Variants in AEBP2 observed in about 807,000 individuals in gnomAD.
AEBP2 encodes zinc finger protein AEBP2.
A neutral mutation model predicts 50.8 loss-of-function variants in AEBP2; 10 were observed. The observed-to-expected ratio is 0.20, with a 90% confidence interval of 0.12 to 0.33. The LOEUF is 0.33. AEBP2 is among the 10% of genes least tolerant of loss of function. The pLI, the probability that AEBP2 is intolerant of heterozygous loss-of-function variation, is 1.00. For synonymous variants in AEBP2, 296 were observed against 261.3 expected (o/e 1.13, Z -1.28); for missense variants, 570 against 688.0 (o/e 0.83, Z 1.92).
intron 3 of AEBP2, among the ~76,000 whole-genome samples, chr12:19,482,862 A>G (rs1948750647): frequency 2.0e-5 from 3 of 152,170 alleles, no homozygotes; most frequent in Admixed American, 6.5e-5. Flanking sequence ...TCACCAGGGA[A>G]GTGGGGGGTT....
Position 19,473,246 on chromosome 12 carries a change from AG to A in AEBP2, c.880del. 7.0e-7 allele frequency: 1 copy of A among 1,421,194 alleles called. No individual in the cohort carries two copies. The highest frequency in any genetic ancestry group is 2.7e-5 in the East Asian group (1 of 37,664). The allele number at this position is 1,421,194 out of a possible 1,614,324, so 88.0% of individuals were successfully genotyped here. On this transcript the variant is annotated splice_acceptor_variant, in intron 2 of 7. Transcript: ENST00000266508. LOFTEE classifies it high-confidence loss of function. The stretch of plus-strand genomic sequence containing the variant: ...TTAATATGGTTCTGTTTTTCTTAAC[AG>A]GTATTTGTTTGCTTATGGAAAGGTT...
intron 2 of AEBP2, among the ~76,000 whole-genome samples, chr12:19,465,701 A>G (rs983207238): frequency 6.6e-6 from 1 of 151,946 alleles, no homozygotes; most frequent in Non-Finnish European, 1.5e-5. Flanking sequence ...TAAAATATGA[A>G]TGAGAGTTTG....
intron 1 of AEBP2, among the ~76,000 whole-genome samples, chr12:19,427,205 C>G (rs1031870336): frequency 6.6e-6 from 1 of 151,822 alleles, no homozygotes; most frequent in Non-Finnish European, 1.5e-5. Flanking sequence ...GGTGAAACCC[C>G]ATCTCTACTA....
At position 19,444,958 on chromosome 12, in the gene AEBP2, G is replaced by T. The variant is rs1372103982; in HGVS notation, c.671+4588G>T. 2.0e-5 allele frequency among the ~76,000 whole-genome samples: 3 copies of T among 152,118 alleles called. No individual in the cohort carries two copies. In the East Asian group the frequency reaches 5.8e-4, roughly 29 times the overall value. On this transcript the variant is annotated intron_variant, in intron 1 of 7. Coordinates refer to ENST00000266508, the MANE Select transcript of AEBP2 (RefSeq NM_153207.5). Reference sequence around the variant, plus strand: ...CACGCAGGCTGGAGTGCAGTGGCGCGATCTCAGCTCACTGCAGCCTCTGCC... The same window carrying T: ...CACGCAGGCTGGAGTGCAGTGGCGCTATCTCAGCTCACTGCAGCCTCTGCC...
upstream of AEBP2, among the ~76,000 whole-genome samples, chr12:19,435,369 C>T (rs535940247): frequency 2.0e-5 from 3 of 152,118 alleles, no homozygotes; most frequent in East Asian, 5.8e-4. Context: ...CAACCTCCAC[C>T]TCCCGGGTTC....
chr12:19,486,554 C>T (rs1363574225), intron 3 of AEBP2, among the ~76,000 whole-genome samples: 1 of 152,012 alleles, frequency 6.6e-6, no homozygotes, highest in Non-Finnish European at 1.5e-5. Context: ...CCACGTCCAG[C>T]TAATTTTTTG....
intron 1 of AEBP2, among the ~76,000 whole-genome samples, chr12:19,459,268 G>T (rs1386529300): frequency 6.6e-6 from 1 of 151,872 alleles, no homozygotes; most frequent in African/African-American, 2.4e-5. Flanking sequence ...GTCTCGCTCT[G>T]TTGCCCAGGC....
In AEBP2 at chr12:19,519,494, T is replaced by C. The variant is rs1320852022; in HGVS notation, c.*1377T>C. ...AGGACCTATACCCATAATAGAATTA[T>C]GGCACTCATTTCTGACAGTGATCAA... On this transcript the variant is annotated 3_prime_UTR_variant, in exon 8 of 8. Transcript: ENST00000266508. The C allele has an allele frequency of 6.6e-6, 1 of 152,574 alleles. No individual in the cohort carries two copies. Among genetic ancestry groups the C allele is most frequent in the Admixed American group, 6.5e-5 (1 of 15,282 alleles). The allele number at this position is 152,574 out of a possible 1,614,324, so 9.5% of individuals were successfully genotyped here. A position where few individuals can be genotyped will look rare whatever the true frequency, so the allele number is the denominator to read the frequency against.
intron 5 of AEBP2, among the ~76,000 whole-genome samples, chr12:19,505,576 C>T (rs1263627929): frequency 6.6e-6 from 1 of 152,186 alleles, no homozygotes; most frequent in Non-Finnish European, 1.5e-5. Context: ...TGAGGTGTAA[C>T]ATCTTGAGGT....
intron 3 of AEBP2, among the ~76,000 whole-genome samples, chr12:19,483,927 C>CA (rs1948767810): frequency 6.9e-6 from 1 of 144,232 alleles, no homozygotes; most frequent in East Asian, 2.1e-4. Context: ...GATAACTTGC[C>CA]AAATTGTCGT....
chr12:19,504,529 C>T (rs1489213333), intron 5 of AEBP2, among the ~76,000 whole-genome samples: 3 of 152,008 alleles, frequency 2.0e-5, no homozygotes, highest in Non-Finnish European at 2.9e-5. Context: ...TGTGAGCCAC[C>T]GCACCTGACT....
intron 3 of AEBP2, among the ~76,000 whole-genome samples, chr12:19,476,561 C>T (rs1452108987): frequency 6.6e-6 from 1 of 152,128 alleles, no homozygotes; most frequent in African/African-American, 2.4e-5. Context: ...AGGCTGGTCT[C>T]GAACTCCTGA....
chr12:19,476,949 G>A (rs924397223), intron 3 of AEBP2, among the ~76,000 whole-genome samples: 64 of 152,162 alleles, frequency 4.2e-4, no homozygotes, highest in African/African-American at 1.5e-3. Context: ...CCATGAGCAT[G>A]GGATGTGTTT....
intron 5 of AEBP2, among the ~76,000 whole-genome samples, chr12:19,501,797 G>GTTTGTTTTTTTTTTTTTTT (rs60750234): frequency 5.6e-5 from 4 of 70,908 alleles, no homozygotes; most frequent in Non-Finnish European, 8.1e-5. Context: ...AAATGAGTTT[G>GTTTGTTTTTTTTTTTTTTT]TTTTTTTTTT....
intron 1 of AEBP2, among the ~76,000 whole-genome samples, chr12:19,457,837 G>A (rs1420636202): frequency 6.6e-6 from 1 of 152,178 alleles, no homozygotes; most frequent in Admixed American, 6.5e-5. Flanking sequence ...ATCAGAATCT[G>A]CAGTTAATAA....
intron 3 of AEBP2, among the ~76,000 whole-genome samples, chr12:19,474,948 A>T (rs1948625367): frequency 1.3e-5 from 2 of 152,142 alleles, no homozygotes; most frequent in South Asian, 4.2e-4. Context: ...ATGCGCCATC[A>T]CGCCTGGCGA....
At chr12:19,508,963 A>C (rs1949193893) in intron 5 of AEBP2, 2 of 479,144 alleles carry the variant, frequency 4.2e-6, no homozygotes, top group East Asian at 8.9e-5. Flanking sequence ...CTAACAAAAC[A>C]AGTCTGTCCC....
At chr12:19,456,677 A>T in intron 1 of AEBP2, 2 of 1,569,854 alleles carry the variant, frequency 1.3e-6, no homozygotes, top group East Asian at 2.2e-5. Context: ...CATGACGAAC[A>T]TCCTTGACAG....
chr12:19,501,797 G>GTTTTTTTTTTTTTTTTTTTTTTTTT (rs754195220), intron 5 of AEBP2, among the ~76,000 whole-genome samples: 39 of 70,904 alleles, frequency 5.5e-4, no homozygotes, highest in Non-Finnish European at 8.1e-4. Flanking sequence ...AAATGAGTTT[G>GTTTTTTTTTTTTTTTTTTTTTTTTT]TTTTTTTTTT....
Sources: allele counts gnomAD v4.1 joint callset (sites outside exome capture counted in the v4.1 genomes callset), GRCh38; gene constraint gnomAD v4.1.1; transcripts MANE v1.5; gene names NCBI Gene and HGNC (gene_info 2026-07-23, HGNC 2026-07-21).